The following MBD5 variants were observed in gnomAD, a reference collection of about 807,000 sequenced individuals.
The protein encoded by MBD5 is methyl-CpG-binding domain protein 5.
In MBD5, 13 loss-of-function variants were observed where a neutral mutation model predicts 117.3. The ratio of observed to expected loss-of-function variants is 0.11; its 90% CI spans 0.07 to 0.18. The LOEUF (loss-of-function observed/expected upper bound fraction) is 0.18, where lower values mean the gene tolerates loss of function less well. Among genes scored for constraint, MBD5 ranks in the 10% least tolerant of loss-of-function variants. The probability of loss-of-function intolerance (pLI) is 1.00; values close to 1 mark genes in which losing one functional copy is unlikely to be tolerated. For synonymous variants in MBD5, 727 were observed against 766.4 expected (o/e 0.95, Z 0.85); for missense variants, 1,879 against 2,093.8 (o/e 0.90, Z 2.00).
intron 1 of MBD5, among the ~76,000 whole-genome samples, chr2:148,156,211 G>A (rs999444993): frequency 3.3e-5 from 5 of 152,182 alleles, no homozygotes; most frequent in Non-Finnish European, 5.9e-5. Context: ...AATTAAAACC[G>A]ACCAATGATT....
intron 4 of MBD5, among the ~76,000 whole-genome samples, chr2:148,381,556 T>G (rs1704144203): frequency 6.6e-6 from 1 of 152,166 alleles, no homozygotes; most frequent in Non-Finnish European, 1.5e-5. Context: ...CCAGGAGAAC[T>G]TCCCCAATCT....
chr2:148,111,782 A>G (rs759640730), intron 1 of MBD5, among the ~76,000 whole-genome samples: 1 of 152,140 alleles, frequency 6.6e-6, no homozygotes, highest in Non-Finnish European at 1.5e-5. Flanking sequence ...GGTAAGTTCC[A>G]AGGTCCCAGT....
chr2:148,339,035 G>A (rs577000849), intron 3 of MBD5, among the ~76,000 whole-genome samples: 1 of 152,208 alleles, frequency 6.6e-6, no homozygotes, highest in Non-Finnish European at 1.5e-5. Context: ...GGGATGATGG[G>A]GACAGGAGAC....
chr2:148,408,649 G>A (rs1472424246), intron 4 of MBD5, among the ~76,000 whole-genome samples: 1 of 152,076 alleles, frequency 6.6e-6, no homozygotes, highest in Non-Finnish European at 1.5e-5. Context: ...ATAAAAAATA[G>A]TATGTAATTT....
At chr2:148,185,587 C>G (rs1168875663) in intron 2 of MBD5, among the ~76,000 whole-genome samples, 2 of 152,064 alleles carry the variant, frequency 1.3e-5, no homozygotes, top group African/African-American at 4.8e-5. Flanking sequence ...CTGAGTAATA[C>G]ACTACTGATT....
chr2:148,404,127 G>GTT (rs202097829), intron 4 of MBD5, among the ~76,000 whole-genome samples: 56 of 145,014 alleles, frequency 3.9e-4, no homozygotes, highest in Admixed American at 1.1e-3. Flanking sequence ...AGCATTATGG[G>GTT]TTTTTTTTTT....
At chr2:148,491,532 A>G (rs1681527272) in intron 11 of MBD5, among the ~76,000 whole-genome samples, 1 of 152,032 alleles carries the variant, frequency 6.6e-6, no homozygotes, top group African/African-American at 2.4e-5. Context: ...AGCAATTTCA[A>G]CTGTGCTCAA....
chr2:148,067,338 A>G (rs1373191332), intron 1 of MBD5, among the ~76,000 whole-genome samples: 1 of 152,214 alleles, frequency 6.6e-6, no homozygotes, highest in Non-Finnish European at 1.5e-5. Flanking sequence ...AATAATAACT[A>G]CGATATTTTT....
chr2:148,086,049 A>G lies in MBD5; in HGVS notation c.-925+64365A>G, dbSNP rs989904328. On this transcript the variant is annotated intron_variant, in intron 1 of 13. Coordinates refer to ENST00000642680, the MANE Select transcript of MBD5 (RefSeq NM_001378120.1). ...TATGTGACTATTCTTATATTTCACT[A>G]CAGAGATGCTGATGCGTGTGATTCT... is the stretch of plus-strand genomic sequence containing the variant. Among the ~76,000 whole-genome samples, 9 of 152,292 alleles carry G rather than the reference A, an allele frequency of 5.9e-5. 1 individual carries two copies. Among genetic ancestry groups the G allele is most frequent in the Admixed American group, 1.3e-4 (2 of 15,300 alleles).
At chr2:148,318,469 T>C (rs1441133112) in intron 3 of MBD5, among the ~76,000 whole-genome samples, 2 of 152,116 alleles carry the variant, frequency 1.3e-5, no homozygotes, top group Non-Finnish European at 2.9e-5. Context: ...TTTAATTTAG[T>C]CCTATTTGTC....
chr2:148,126,977 CTTTT>C (rs373037152), intron 1 of MBD5, among the ~76,000 whole-genome samples: 1 of 130,760 alleles, frequency 7.6e-6, no homozygotes, highest in Non-Finnish European at 1.6e-5. Flanking sequence ...TTTTTTCTTT[CTTTT>C]TTTTTTTTTT....
intron 2 of MBD5, among the ~76,000 whole-genome samples, chr2:148,184,696 T>A (rs1698609479): frequency 6.6e-6 from 1 of 152,212 alleles, no homozygotes; most frequent in Admixed American, 6.5e-5. Context: ...GCTTCTTCAA[T>A]GTCTTGATAT....
chr2:148,144,497 G>T (rs775738897), intron 1 of MBD5, among the ~76,000 whole-genome samples: 17 of 152,184 alleles, frequency 1.1e-4, no homozygotes, highest in Non-Finnish European at 2.2e-4. Flanking sequence ...ATTGCATTTG[G>T]TGTTTTAGTC....
chr2:148,326,642 G>A (rs1309471819), intron 3 of MBD5, among the ~76,000 whole-genome samples: 1 of 151,890 alleles, frequency 6.6e-6, no homozygotes, highest in African/African-American at 2.4e-5. Flanking sequence ...TGTTTTATCA[G>A]AGACTAGGAT....
At chr2:148,443,742 C>T (rs775488657) in intron 4 of MBD5, among the ~76,000 whole-genome samples, 1 of 150,868 alleles carries the variant, frequency 6.6e-6, no homozygotes, top group African/African-American at 2.5e-5. Flanking sequence ...TTACCAGAGG[C>T]TGGGAAGGGT....
intron 10 of MBD5, among the ~76,000 whole-genome samples, chr2:148,486,604 T>G (rs1174195329): frequency 6.6e-6 from 1 of 152,048 alleles, no homozygotes; most frequent in Non-Finnish European, 1.5e-5. Flanking sequence ...ATTAAATAAT[T>G]AACACCTACA....
At chr2:148,382,368 A>T (rs1045302345) in intron 4 of MBD5, among the ~76,000 whole-genome samples, 5 of 152,244 alleles carry the variant, frequency 3.3e-5, no homozygotes, top group African/African-American at 1.2e-4. Context: ...AGACCATTAC[A>T]TAATGGTAAA....
intron 1 of MBD5, among the ~76,000 whole-genome samples, chr2:148,176,031 T>G (rs1698375910): frequency 6.6e-6 from 1 of 152,214 alleles, no homozygotes. Flanking sequence ...TCTTTTGTGA[T>G]GTAGACTATT....
intron 4 of MBD5, among the ~76,000 whole-genome samples, chr2:148,404,799 G>T (rs67778375): frequency 8.6e-5 from 13 of 151,834 alleles, no homozygotes; most frequent in African/African-American, 2.2e-4. Flanking sequence ...TATTTTTCCA[G>T]GTTGACTTGA....
Sources: allele counts gnomAD v4.1 joint callset (sites outside exome capture counted in the v4.1 genomes callset), GRCh38; gene constraint gnomAD v4.1.1; transcripts MANE v1.5; gene names NCBI Gene and HGNC (gene_info 2026-07-23, HGNC 2026-07-21).